Variants in VPS35 observed in about 807,000 individuals in gnomAD.
VPS35 encodes VPS35 retromer complex component, also known as vacuolar protein sorting-associated protein 35.
In VPS35, 21 loss-of-function variants were observed where a neutral mutation model predicts 98.1. That is an observed-to-expected ratio of 0.21 (90% confidence interval 0.15 to 0.31). The LOEUF (loss-of-function observed/expected upper bound fraction) is 0.31. Ranked by LOEUF, VPS35 falls within the 10% of genes least tolerant of loss-of-function variation. The pLI, the probability that VPS35 is intolerant of heterozygous loss-of-function variation, is 1.00. For missense variants in VPS35, 554 were observed against 950.8 expected, an observed-to-expected ratio of 0.58 and a Z score of 5.49; for synonymous variants, 268 against 318.2, an observed-to-expected ratio of 0.84 and a Z score of 1.68.
chr16:46,670,082 T>C (rs1444262531), intron 12 of VPS35, among the ~76,000 whole-genome samples: 1 of 152,166 alleles, frequency 6.6e-6, no homozygotes, highest in Non-Finnish European at 1.5e-5. Flanking sequence ...GCACAACATA[T>C]AGCCAATTCA....
intron 1 of VPS35, 124 bp from the exon 2 acceptor site, chr16:46,683,730 A>G: frequency 6.5e-6 from 7 of 1,081,374 alleles, no homozygotes; most frequent in Non-Finnish European, 9.5e-6. Context: ...CCCATTTACC[A>G]AATTTTTTTT....
In VPS35 at chr16:46,681,580, A is replaced by C. The variant is rs1300810598; in HGVS notation, c.200-80T>G. 7 of 1,501,516 alleles carry C rather than the reference A, an allele frequency of 4.7e-6. 1 individual carries two copies. Among genetic ancestry groups the C allele is most frequent in the South Asian group, 1.1e-5 (1 of 87,028 alleles). 93.0% of individuals were successfully genotyped at this position (1,501,516 alleles called of 1,614,324 possible). On this transcript the variant is annotated intron_variant, in intron 3 of 16. Transcript: ENST00000299138. ...TTGAAACTTGTTGGAGTCATTACTA[A>C]CTACTGGGCAGACATCTTAAGTTTT...
chr16:46,678,921 G>A, intron 6 of VPS35, 22 bp downstream of exon 6: 1 of 1,609,224 alleles, frequency 6.2e-7, no homozygotes, highest in Non-Finnish European at 8.5e-7. Flanking sequence ...AACATAAGAA[G>A]AGGTAACAAA....
In VPS35 at chr16:46,661,807, T is replaced by C. The variant is rs199940967; in HGVS notation, c.2122A>G (p.Asn708Asp). ...TGTAGAGAGGGGTCCATGCACTGAT[T>C]TGCTATTTTTAGAGCTTTTTTTAGG... ...ECLKKALKIA[N>D]QCMDPSLQVQ... Residue 708 changes from asparagine (N) to aspartate (D), a missense_variant, in exon 16 of 17, where the codon AAT (asparagine) becomes GAT (aspartate). Asn to Asp is a conservative substitution (Grantham distance 23). Coordinates refer to ENST00000299138, the MANE Select transcript of VPS35 (RefSeq NM_018206.6). The surrounding 1 kb of genome is among the most constrained non-coding windows in gnomAD (Gnocchi z 4.3). 1 of 1,614,146 alleles carries C rather than the reference T, an allele frequency of 6.2e-7. No homozygotes were observed. Among genetic ancestry groups the C allele is most frequent in the Non-Finnish European group, 8.5e-7 (1 of 1,180,016 alleles).
At chr16:46,688,832 T>C in intron 1 of VPS35, 1 of 1,398,826 alleles carries the variant, frequency 7.1e-7, no homozygotes, top group African/African-American at 1.4e-5. Flanking sequence ...CCGATTCCAC[T>C]TAAAGGAGGC....
intron 10 of VPS35, 87 bp from the exon 11 acceptor site, chr16:46,672,559 T>G (rs191349966): frequency 4.0e-5 from 48 of 1,199,642 alleles, no homozygotes; most frequent in Admixed American, 5.7e-5. Context: ...ATTTGAAATT[T>G]TTCATTACAC....
At chr16:46,684,859 A>G (rs1371300302) in intron 1 of VPS35, among the ~76,000 whole-genome samples, 1 of 152,248 alleles carries the variant, frequency 6.6e-6, no homozygotes, top group Non-Finnish European at 1.5e-5. Context: ...ATATTATTCA[A>G]CCATGAAAAG....
intron 2 of VPS35, chr16:46,682,943 C>T (rs1966255764): frequency 6.4e-6 from 1 of 157,154 alleles, no homozygotes; most frequent in African/African-American, 2.4e-5. Flanking sequence ...TCAAAAGTAT[C>T]TACACAGATT....
rs1400853203 is a variant in VPS35, at chr16:46,662,228, C to G, written c.2067+15G>C. 1.9e-6 allele frequency: 3 copies of G among 1,613,942 alleles called. No homozygotes were observed. Among genetic ancestry groups the G allele is most frequent in the East Asian group, 2.2e-5 (1 of 44,896 alleles). ...TGGATCCTGTCTGCTATCATGCAGT[C>G]AGGAATGACCTTACCTCCTCCCCAT... On this transcript the variant is annotated intron_variant, in intron 15 of 16. Transcript: ENST00000299138.
chr16:46,681,353 G>T, intron 4 of VPS35, 24 bp downstream of exon 4: 2 of 1,613,086 alleles, frequency 1.2e-6, no homozygotes, highest in Non-Finnish European at 1.7e-6. Context: ...AGACACAAAA[G>T]TTCTCTGATT....
chr16:46,672,132 T>C (rs1966078585), intron 11 of VPS35, 133 bp downstream of exon 11: 2 of 829,118 alleles, frequency 2.4e-6, no homozygotes, highest in African/African-American at 3.5e-5. Flanking sequence ...AATTTTTAAT[T>C]TATATAATGA....
intron 1 of VPS35, chr16:46,688,921 G>A: frequency 6.8e-7 from 1 of 1,460,358 alleles, no homozygotes; most frequent in Non-Finnish European, 9.0e-7. Flanking sequence ...AGCAACGGCC[G>A]CAGCCAAGAG....
intron 12 of VPS35, among the ~76,000 whole-genome samples, chr16:46,671,365 CAG>C (rs879727552): frequency 4.6e-5 from 7 of 152,074 alleles, no homozygotes; most frequent in African/African-American, 9.7e-5. Flanking sequence ...TTGTAATTCT[CAG>C]AGAGTCTTCA....
At chr16:46,685,473 A>G (rs550553247) in intron 1 of VPS35, among the ~76,000 whole-genome samples, 1 of 152,184 alleles carries the variant, frequency 6.6e-6, no homozygotes, top group South Asian at 2.1e-4. Flanking sequence ...TTTTTTCCCT[A>G]TGAAAAACTC....
chr16:46,683,379 G>T, intron 2 of VPS35, 129 bp downstream of exon 2: 1 of 866,552 alleles, frequency 1.2e-6, no homozygotes. Context: ...AGGGAGATGA[G>T]ACTGAAGATA....
intron 12 of VPS35, among the ~76,000 whole-genome samples, chr16:46,670,912 T>C (rs1458168150): frequency 6.6e-6 from 1 of 152,226 alleles, no homozygotes; most frequent in Admixed American, 6.5e-5. Context: ...TTTTTCATCA[T>C]AGCAGCCTAA....
chr16:46,682,337 C>A, intron 2 of VPS35, 162 bp from the exon 3 acceptor site: 1 of 618,264 alleles, frequency 1.6e-6, no homozygotes, highest in Non-Finnish European at 2.9e-6. Flanking sequence ...ATCGGTTCAC[C>A]TTGCCGTCTC....
At chr16:46,681,616 G>T in intron 3 of VPS35, 116 bp from the exon 4 acceptor site, 1 of 1,255,828 alleles carries the variant, frequency 8.0e-7, no homozygotes, top group Non-Finnish European at 1.1e-6. Context: ...AGTCCTTTAA[G>T]AAAGTGTTCA....
intron 4 of VPS35, 79 bp downstream of exon 4, chr16:46,681,297 TC>T (rs1216780953): frequency 2.4e-5 from 38 of 1,593,238 alleles, no homozygotes; most frequent in Non-Finnish European, 3.3e-5. Context: ...TAAAACTTTT[TC>T]TTAAGCTGAT....
Sources: allele counts gnomAD v4.1 joint callset (sites outside exome capture counted in the v4.1 genomes callset), GRCh38; gene constraint gnomAD v4.1.1; non-coding constraint Gnocchi (gnomAD v3.1); transcripts MANE v1.5; gene names NCBI Gene and HGNC (gene_info 2026-07-23, HGNC 2026-07-21).